CPNE4: variants seen among roughly 807,000 people sequenced by gnomAD.
CPNE4 encodes the protein copine-4.
A neutral mutation model predicts 67.9 loss-of-function variants in CPNE4; 25 were observed. The ratio of observed to expected loss-of-function variants is 0.37; its 90% CI spans 0.27 to 0.51. CPNE4 has a LOEUF of 0.51. Among genes scored for constraint, CPNE4 ranks in the 20% least tolerant of loss-of-function variants. CPNE4 has a pLI of 0.93. For missense variants in CPNE4, 464 were observed against 690.8 expected, an observed-to-expected ratio of 0.67 and a Z score of 3.68; for synonymous variants, 242 against 244.9, an observed-to-expected ratio of 0.99 and a Z score of 0.11.
chr3:131,766,086 CT>C (rs2107823349), intron 2 of CPNE4, among the ~76,000 whole-genome samples: 1 of 152,220 alleles, frequency 6.6e-6, no homozygotes, highest in Admixed American at 6.6e-5. Context: ...GGGAATGTTT[CT>C]GACTGCACTG....
At chr3:131,771,970 T>A (rs2083177989) in intron 2 of CPNE4, among the ~76,000 whole-genome samples, 1 of 152,154 alleles carries the variant, frequency 6.6e-6, no homozygotes, top group Admixed American at 6.6e-5. Flanking sequence ...TACACTGAGT[T>A]CAATTAATTT....
chr3:131,928,526 A>T (rs1019505258), intron 1 of CPNE4, among the ~76,000 whole-genome samples: 2 of 152,132 alleles, frequency 1.3e-5, no homozygotes, highest in African/African-American at 4.8e-5. Flanking sequence ...TCTGTTACAA[A>T]CAGGAACCTG....
chr3:131,997,536 G>A (rs2073325620), intron 1 of CPNE4, among the ~76,000 whole-genome samples: 1 of 152,100 alleles, frequency 6.6e-6, no homozygotes, highest in Non-Finnish European at 1.5e-5. Flanking sequence ...TAAAATGAAA[G>A]GGCTGGCCTA....
chr3:131,681,712 T>G (rs969226719), intron 6 of CPNE4, among the ~76,000 whole-genome samples: 5 of 152,144 alleles, frequency 3.3e-5, no homozygotes, highest in Non-Finnish European at 5.9e-5. Flanking sequence ...TGAATAAACT[T>G]TCCACCCTTA....
chr3:131,967,894 A>G (rs376215833), intron 1 of CPNE4, among the ~76,000 whole-genome samples: 5 of 152,308 alleles, frequency 3.3e-5, no homozygotes, highest in African/African-American at 1.2e-4. Flanking sequence ...GAGCTTGTAT[A>G]GCCAAGACAA....
rs887686190 is a variant in CPNE4 at position 131,854,932 on chromosome 3, T to G, written c.180+50332A>C. Among the ~76,000 whole-genome samples, 10 of 152,078 alleles carry G rather than the reference T, an allele frequency of 6.6e-5. No individual in the cohort carries two copies. In the South Asian group the frequency reaches 2.1e-3, roughly 32 times the overall value. On this transcript the variant is annotated intron_variant, in intron 2 of 15. Coordinates refer to ENST00000429747, the MANE Select transcript of CPNE4 (RefSeq NM_130808.3). ...ACATAATCCAATTATTTAAATTATA[T>G]GCATCTATAGCATAATAAACAAATG...
chr3:132,036,673 A>G (rs1319263948), upstream of CPNE4, among the ~76,000 whole-genome samples: 1 of 152,226 alleles, frequency 6.6e-6, no homozygotes, highest in Non-Finnish European at 1.5e-5. Context: ...TGTTAATTGT[A>G]TCCTCTAAAA....
At chr3:131,882,160 AC>A in intron 2 of CPNE4, among the ~76,000 whole-genome samples, 1 of 146,612 alleles carries the variant, frequency 6.8e-6, no homozygotes, top group South Asian at 2.2e-4. Context: ...ACACACACAC[AC>A]AACCTACATC....
At chr3:131,679,590 C>T (rs961209935) in intron 6 of CPNE4, among the ~76,000 whole-genome samples, 2 of 152,124 alleles carry the variant, frequency 1.3e-5, no homozygotes, top group East Asian at 1.9e-4. Context: ...CCTCTTAATA[C>T]TGCTTTAACT....
At chr3:131,896,321 T>C (rs1050993673) in intron 2 of CPNE4, among the ~76,000 whole-genome samples, 3 of 152,086 alleles carry the variant, frequency 2.0e-5, no homozygotes, top group Non-Finnish European at 2.9e-5. Flanking sequence ...TTGTATGGGC[T>C]TCACTCCGAT....
intron 1 of CPNE4, among the ~76,000 whole-genome samples, chr3:131,930,261 T>C (rs1319988101): frequency 6.6e-6 from 1 of 152,016 alleles, no homozygotes; most frequent in African/African-American, 2.4e-5. Flanking sequence ...GACATTGCAG[T>C]AACCCATATG....
At chr3:131,674,456 T>C (rs115584609) in intron 6 of CPNE4, among the ~76,000 whole-genome samples, 2,698 of 152,106 alleles carry the variant, frequency 0.018, 87 homozygotes, top group African/African-American at 0.062. Context: ...GTTTCCAGGC[T>C]TTTCTTTGCC....
chr3:131,850,828 T>C (rs2086212024), intron 2 of CPNE4, among the ~76,000 whole-genome samples: 1 of 152,048 alleles, frequency 6.6e-6, no homozygotes, highest in Non-Finnish European at 1.5e-5. Flanking sequence ...GTTAACCAGA[T>C]CCAAATCATA....
intron 4 of CPNE4, among the ~76,000 whole-genome samples, chr3:131,696,933 G>A (rs1288622301): frequency 6.6e-6 from 1 of 152,196 alleles, no homozygotes; most frequent in Non-Finnish European, 1.5e-5. Flanking sequence ...GCATTGGATA[G>A]TATTTCTATA....
At chr3:131,627,776 C>G (rs1472188784) in intron 7 of CPNE4, among the ~76,000 whole-genome samples, 1 of 152,096 alleles carries the variant, frequency 6.6e-6, no homozygotes. Flanking sequence ...GTAGAAATAG[C>G]AAGAGAACTA....
chr3:131,549,529 G>A (rs1936055957), intron 14 of CPNE4, among the ~76,000 whole-genome samples: 1 of 152,120 alleles, frequency 6.6e-6, no homozygotes, highest in South Asian at 2.1e-4. Flanking sequence ...TTTACCACCA[G>A]GAGGCAGAAT....
At chr3:131,693,263 C>G (rs967709789) in intron 5 of CPNE4, among the ~76,000 whole-genome samples, 4 of 152,082 alleles carry the variant, frequency 2.6e-5, no homozygotes, top group Non-Finnish European at 5.9e-5. Context: ...CCTTTACATT[C>G]TTAAAAGTTA....
chr3:131,851,027 A>G (rs962344590), intron 2 of CPNE4, among the ~76,000 whole-genome samples: 1 of 152,106 alleles, frequency 6.6e-6, no homozygotes, highest in Non-Finnish European at 1.5e-5. Flanking sequence ...TCACTGCAGA[A>G]CCATCTATTA....
chr3:131,951,439 A>T (rs923723294), intron 1 of CPNE4, among the ~76,000 whole-genome samples: 15 of 152,136 alleles, frequency 9.9e-5, no homozygotes, highest in Non-Finnish European at 1.8e-4. Context: ...ACTACTATTT[A>T]CAGTCCAGAG....
Sources: gnomAD v4.1 joint callset for allele counts (sites outside exome capture counted in the v4.1 genomes callset) on GRCh38, gnomAD v4.1.1 for gene constraint, MANE v1.5 for transcripts, NCBI Gene and HGNC (gene_info 2026-07-23, HGNC 2026-07-21) for gene names.